EIF4G3: variants seen among roughly 807,000 people sequenced by gnomAD.
EIF4G3 encodes eukaryotic translation initiation factor 4 gamma 3, also known as eIF-4-gamma 3.
Under a neutral mutation model 186.4 loss-of-function variants are expected in EIF4G3, and 34 were observed. The ratio of observed to expected loss-of-function variants is 0.18; its 90% CI spans 0.14 to 0.24. The LOEUF is 0.24. Among genes scored for constraint, EIF4G3 ranks in the 10% least tolerant of loss-of-function variants. The probability of loss-of-function intolerance (pLI) is 1.00; values close to 1 mark genes in which losing one functional copy is unlikely to be tolerated. For synonymous variants in EIF4G3, 673 were observed against 679.5 expected, an observed-to-expected ratio of 0.99 and a Z score of 0.15; for missense variants, 1,536 against 1,948.5, an observed-to-expected ratio of 0.79 and a Z score of 3.99.
chr1:21,066,191 C>T (rs113645786), intron 3 of EIF4G3, among the ~76,000 whole-genome samples: 4,841 of 151,368 alleles, frequency 0.032, 114 homozygotes, highest in Non-Finnish European at 0.048. Flanking sequence ...CTTGACACCT[C>T]ATCCTAATTG....
At chr1:20,842,861 A>G (rs1319834645) in intron 29 of EIF4G3, among the ~76,000 whole-genome samples, 1 of 148,696 alleles carries the variant, frequency 6.7e-6, no homozygotes, top group Non-Finnish European at 1.5e-5. Flanking sequence ...TTTTTTTTTA[A>G]AGAGAGAAGG....
intron 13 of EIF4G3, among the ~76,000 whole-genome samples, chr1:20,944,767 C>CCAG (rs2095868223): frequency 6.6e-6 from 1 of 151,646 alleles, no homozygotes; most frequent in Non-Finnish European, 1.5e-5. Context: ...GCATGGTGAG[C>CCAG]TCATGCCTGT....
chr1:20,885,294 C>A (rs1311926241), intron 19 of EIF4G3, among the ~76,000 whole-genome samples: 1 of 152,212 alleles, frequency 6.6e-6, no homozygotes, highest in Non-Finnish European at 1.5e-5. Flanking sequence ...CTTAACCACG[C>A]TCCAGGAACC....
intron 18 of EIF4G3, among the ~76,000 whole-genome samples, chr1:20,890,835 G>A (rs2154555482): frequency 6.6e-6 from 1 of 152,274 alleles, no homozygotes; most frequent in African/African-American, 2.4e-5. Flanking sequence ...AAGGTAAGCT[G>A]GGCAAATTAA....
rs928928801 is a variant in EIF4G3, at chr1:20,807,060, G to T, written c.*259C>A. On this transcript the variant is annotated 3_prime_UTR_variant, in exon 37 of 37. Coordinates refer to ENST00000602326, the MANE Select transcript of EIF4G3 (RefSeq NM_001391906.1). ...TATGAGTCCTTGTTTAAAAAGAAAA[G>T]ATTAAAACAGAAAATATTTTCTATA... 8.5e-5 allele frequency: 21 copies of T among 246,588 alleles called. No homozygotes were observed. The highest frequency in any genetic ancestry group is 1.8e-4 in the South Asian group (1 of 5,702). The allele number at this position is 246,588 out of a possible 1,614,324, so 15.3% of individuals were successfully genotyped here.
intron 4 of EIF4G3, among the ~76,000 whole-genome samples, chr1:21,050,041 T>C (rs1409989620): frequency 6.6e-6 from 1 of 152,194 alleles, no homozygotes; most frequent in Non-Finnish European, 1.5e-5. Flanking sequence ...GCCTAAAATA[T>C]GGAGGCTAAA....
chr1:20,973,217 G>C, intron 10 of EIF4G3, 118 bp from the exon 11 acceptor site: 1 of 686,146 alleles, frequency 1.5e-6, no homozygotes, highest in Non-Finnish European at 2.4e-6. Flanking sequence ...AAAACACTAA[G>C]CATTCTTCAT....
At chr1:21,071,416 C>T (rs997196966) in intron 3 of EIF4G3, among the ~76,000 whole-genome samples, 3 of 151,922 alleles carry the variant, frequency 2.0e-5, no homozygotes, top group Non-Finnish European at 4.4e-5. Flanking sequence ...AACCTGTCTC[C>T]AAAAAACCAA....
chr1:21,078,170 G>A (rs1463268442), intron 3 of EIF4G3, among the ~76,000 whole-genome samples: 1 of 152,112 alleles, frequency 6.6e-6, no homozygotes, highest in East Asian at 1.9e-4. Flanking sequence ...GCTGCCACCC[G>A]TGTTTACTGT....
chr1:21,037,811 C>T (rs1455942134), intron 4 of EIF4G3, among the ~76,000 whole-genome samples: 1 of 152,236 alleles, frequency 6.6e-6, no homozygotes, highest in Middle Eastern at 3.4e-3. Flanking sequence ...ATCATTTGGG[C>T]AATATGTATC....
intron 4 of EIF4G3, among the ~76,000 whole-genome samples, chr1:21,023,789 C>A (rs1370939030): frequency 1.4e-5 from 2 of 144,872 alleles, no homozygotes; most frequent in African/African-American, 5.3e-5. Context: ...CTCCGCCCGG[C>A]CGCCATCCCA....
chr1:20,962,764 T>C (rs898436215), intron 12 of EIF4G3, among the ~76,000 whole-genome samples: 1 of 152,218 alleles, frequency 6.6e-6, no homozygotes, highest in African/African-American at 2.4e-5. Flanking sequence ...AGATGATTAG[T>C]GTCACAGGGT....
intron 15 of EIF4G3, 56 bp from the exon 16 acceptor site, chr1:20,899,999 TA>T: frequency 1.3e-6 from 2 of 1,527,558 alleles, no homozygotes; most frequent in Non-Finnish European, 8.8e-7. Context: ...TAAATATACA[TA>T]AAAACCTACA....
intron 16 of EIF4G3, 130 bp from the exon 17 acceptor site, chr1:20,895,631 A>C (rs1572355713): frequency 9.9e-7 from 1 of 1,015,194 alleles, no homozygotes; most frequent in East Asian, 2.5e-5. Flanking sequence ...CCATAAGGCT[A>C]TAATGAAGCT....
intron 33 of EIF4G3, among the ~76,000 whole-genome samples, chr1:20,817,922 C>A (rs2061464802): frequency 2.0e-5 from 3 of 151,962 alleles, no homozygotes; most frequent in Admixed American, 1.3e-4. Flanking sequence ...GCAATCCGCC[C>A]TCCTTGGCCT....
chr1:20,957,522 C>CAAAA (rs11366654), intron 12 of EIF4G3, among the ~76,000 whole-genome samples: 1 of 117,814 alleles, frequency 8.5e-6, no homozygotes, highest in Non-Finnish European at 1.7e-5. Flanking sequence ...GACTCTGTCT[C>CAAAA]AAAAAAAAAA....
At chr1:21,109,164 G>A (rs2102084365) in intron 2 of EIF4G3, among the ~76,000 whole-genome samples, 1 of 152,284 alleles carries the variant, frequency 6.6e-6, no homozygotes, top group Non-Finnish European at 1.5e-5. Flanking sequence ...GTTGCAGTGA[G>A]CTGAGATCAC....
chr1:20,879,122 A>T (rs1223924314), intron 20 of EIF4G3, among the ~76,000 whole-genome samples: 1 of 152,208 alleles, frequency 6.6e-6, no homozygotes, highest in Non-Finnish European at 1.5e-5. Context: ...ATTTCAGTCC[A>T]GACTTCATAT....
At chr1:20,950,285 G>T (rs556548142) in intron 12 of EIF4G3, among the ~76,000 whole-genome samples, 174 bp from the exon 13 acceptor site, 120 of 152,264 alleles carry the variant, frequency 7.9e-4, no homozygotes, top group African/African-American at 2.7e-3. Context: ...TACATGGGAA[G>T]TCAGGGAAGA....
Sources: gnomAD v4.1 joint callset for allele counts (sites outside exome capture counted in the v4.1 genomes callset) on GRCh38, gnomAD v4.1.1 for gene constraint, MANE v1.5 for transcripts, NCBI Gene and HGNC (gene_info 2026-07-23, HGNC 2026-07-21) for gene names.